MAN2C1: variants seen among roughly 807,000 people sequenced by gnomAD.
The protein encoded by MAN2C1 is alpha-mannosidase 2C1.
In MAN2C1, 111 loss-of-function variants were observed where a neutral mutation model predicts 126.9. The observed-to-expected ratio is 0.87, with a 90% CI of 0.75 to 1.02. The LOEUF (loss-of-function observed/expected upper bound fraction) is 1.02. Ranked by LOEUF, MAN2C1 falls within the 50% of genes least tolerant of loss-of-function variation. MAN2C1 has a pLI of 0.00. For missense variants in MAN2C1, 1,363 were observed against 1,364.4 expected (o/e 1.00, Z 0.02); for synonymous variants, 567 against 561.5 (o/e 1.01, Z -0.14).
At chr15:75,357,851 C>G (rs1395923764) in intron 21 of MAN2C1, 2 of 263,322 alleles carry the variant, frequency 7.6e-6, no homozygotes, top group Non-Finnish European at 1.5e-5. Context: ...GATCTCTTGA[C>G]CTCGTGATCC....
chr15:75,362,866 C>A lies in MAN2C1; in HGVS notation c.791-118G>T. The A allele has an allele frequency of 1.2e-6, 1 of 802,666 alleles. No individual in the cohort carries two copies. The highest frequency in any genetic ancestry group is 2.1e-6 in the Non-Finnish European group (1 of 485,586). 49.7% of individuals were successfully genotyped at this position (802,666 alleles called of 1,614,324 possible). A position where few individuals can be genotyped will look rare whatever the true frequency, so the allele number is the denominator to read the frequency against. ...CCCAGGCCCTTCACCCTGGAAAGCCCTGTGGTGTCCCTCCTAAGTGGTCAC... is the reference window on the plus strand; with the variant it reads ...CCCAGGCCCTTCACCCTGGAAAGCCATGTGGTGTCCCTCCTAAGTGGTCAC... On this transcript the variant is annotated intron_variant, in intron 6 of 25. Coordinates refer to ENST00000267978, the MANE Select transcript of MAN2C1 (RefSeq NM_006715.4). The surrounding 1 kb of genome is among the most constrained non-coding windows in gnomAD (Gnocchi z 4.5).
chr15:75,356,795 CGA>C lies in MAN2C1; in HGVS notation c.2653_2654del (p.Ser885AlafsTer6). On this transcript the variant is annotated frameshift_variant, in exon 22 of 26. Transcript: ENST00000267978. LOFTEE classifies it high-confidence loss of function. The surrounding 1 kb of genome is among the most constrained non-coding windows in gnomAD (Gnocchi z 5.8). Reference protein sequence around the residue: ...ASVRGSILSLSLLRAPKAPDA... With the variant: ...ASVRGSILSLXLLRAPKAPDA... The stretch of plus-strand genomic sequence containing the variant: ...GGCCTGGTGGGTACCCCACTTACAG[CGA>C]GAGGCTGAGGATGCTGCCTCGCACT... 1 of 1,613,998 alleles carries C rather than the reference CGA, an allele frequency of 6.2e-7. No homozygotes were observed. Among genetic ancestry groups the C allele is most frequent in the Non-Finnish European group, 8.5e-7 (1 of 1,180,014 alleles).
At chr15:75,366,133 T>C (rs2072571078) in intron 4 of MAN2C1, 1 of 322,652 alleles carries the variant, frequency 3.1e-6, no homozygotes, top group South Asian at 2.4e-5. Flanking sequence ...TTCATCTCTA[T>C]TCTAGGGAGT....
At position 75,358,550 on chromosome 15, in the gene MAN2C1, C is replaced by A. The variant is rs776712645; in HGVS notation, c.2315G>T (p.Trp772Leu). 1.1e-5 allele frequency: 17 copies of A among 1,613,466 alleles called. No homozygotes were observed. Among genetic ancestry groups the A allele is most frequent in the Non-Finnish European group, 1.4e-5 (17 of 1,180,034 alleles). ...GTEGGLRGSA[W>L]FLLQISPNSR... ...GTTGGGGCTGATCTGTAGCAAGAAC[C>A]AGGCGCTGCCCCGCAGGCCGCCCTC... is the stretch of plus-strand genomic sequence containing the variant. The change falls in exon 20 of 26, where the codon TGG (tryptophan) becomes TTG (leucine). Residue 772 changes from tryptophan to leucine, a missense_variant. By Grantham distance (61) the Trp-to-Leu change is moderately conservative. This residue lies in a region of MAN2C1 where 668 missense variants were observed against 650.1 expected (regional missense o/e 1.03). Transcript: ENST00000267978.
intron 16 of MAN2C1, 33 bp from the exon 17 acceptor site, chr15:75,359,458 T>C: frequency 6.3e-7 from 1 of 1,597,086 alleles, no homozygotes; most frequent in Non-Finnish European, 8.6e-7. Flanking sequence ...AGTGCAGCCT[T>C]CCTGACCTTT....
intron 3 of MAN2C1, 29 bp downstream of exon 3, chr15:75,367,482 A>G (rs1189472103): frequency 1.9e-6 from 3 of 1,611,374 alleles, no homozygotes; most frequent in African/African-American, 2.7e-5. Flanking sequence ...AAATGTGGCC[A>G]TACCTGGCCC....
Position 75,356,845 on chromosome 15 carries a change from T to A in MAN2C1, c.2605A>T (p.Asn869Tyr). 6.2e-7 allele frequency: 1 copy of A among 1,614,136 alleles called. No homozygotes were observed. Among genetic ancestry groups the A allele is most frequent in the Non-Finnish European group, 8.5e-7 (1 of 1,180,040 alleles). ...SEHGFGLALL[N>Y]DCKYGASVRG... ...ACTGACGCGCCATACTTGCAGTCGT[T>A]GAGCAGGGCCAGCCCAAAGCCGTGT... Residue 869 changes from asparagine to tyrosine, a missense_variant, in exon 22 of 26, where the codon AAC becomes TAC. By Grantham distance (143) the Asn-to-Tyr change is moderately radical. This residue lies in a region of MAN2C1 where 668 missense variants were observed against 650.1 expected (regional missense o/e 1.03). Transcript: ENST00000267978. This position sits in a 1 kb window ranked among gnomAD's most constrained non-coding sequence, Gnocchi z 5.8.
rs1019333246 is a variant in MAN2C1 at position 75,368,089 on chromosome 15, C to T, written c.211G>A (p.Asp71Asn). Reference sequence around the variant, plus strand: ...GTTACCTACGTGGGTCCGAAGCTGTCGCCGACCTGCGCGGGGCGGAAGTCC... The same window carrying T: ...GTTACCTACGTGGGTCCGAAGCTGTTGCCGACCTGCGCGGGGCGGAAGTCC... The part of the protein sequence containing the change: ...QRDFRPAQVG[D>N]SFGPTWWTCW... The change falls in exon 2 of 26, where the codon GAC becomes AAC. Residue 71 changes from aspartate (D) to asparagine (N), a missense_variant. Asp to Asn is a conservative substitution (Grantham distance 23). Coordinates refer to ENST00000267978, the MANE Select transcript of MAN2C1 (RefSeq NM_006715.4). 1.2e-6 allele frequency: 2 copies of T among 1,607,268 alleles called. No homozygotes were observed. The highest frequency in any genetic ancestry group is 8.5e-7 in the Non-Finnish European group (1 of 1,177,826).
In MAN2C1 at chr15:75,359,335, A is replaced by G. The variant is rs764903493; in HGVS notation, c.2039T>C (p.Val680Ala). The G allele has an allele frequency of 6.3e-7, 1 of 1,592,304 alleles. No homozygotes were observed. The highest frequency in any genetic ancestry group is 1.1e-5 in the South Asian group (1 of 87,520). ...AGGGCATGCAGGACTCACCTCTTGC[A>G]CTACGAACACAGGCTGCTGGGGCAG... ...PLLPQQPVFVVQETDGSVTLD... is the reference protein window; with the variant it reads ...PLLPQQPVFVAQETDGSVTLD... Residue 680 changes from valine (V) to alanine (A), a missense_variant, in exon 17 of 26, where the codon GTG (valine) becomes GCG (alanine). Val to Ala is a moderately conservative substitution (Grantham distance 64). Coordinates refer to ENST00000267978, the MANE Select transcript of MAN2C1 (RefSeq NM_006715.4).
rs974179473 is a variant in MAN2C1 at position 75,360,460 on chromosome 15, C to T, written c.1584+105G>A. On this transcript the variant is annotated intron_variant, in intron 13 of 25. Coordinates refer to ENST00000267978, the MANE Select transcript of MAN2C1 (RefSeq NM_006715.4). ...TCTTGAACTTCTCTCCTCCAAACTT[C>T]TCTTCCCCTAGATCTGGCCTGGGCT... 8.0e-6 allele frequency: 12 copies of T among 1,494,518 alleles called. No homozygotes were observed. The African/African-American group carries it at 1.7e-4, about 21-fold the overall frequency. The allele number at this position is 1,494,518 out of a possible 1,614,324, so 92.6% of individuals were successfully genotyped here.
chr15:75,356,324 C>T lies in MAN2C1; in HGVS notation c.2863G>A (p.Val955Ile), dbSNP rs547667997. ...GCCTGCTTGACGGTCTCCAATACGA[C>T]CGCGGGTGAAGACACGGAAAACGCA... is the stretch of plus-strand genomic sequence containing the variant. ...WSAFSVSSPA[V>I]VLETVKQAES... is the part of the protein sequence containing the mutation. Residue 955 changes from valine to isoleucine, a missense_variant, in exon 24 of 26, where the codon GTC becomes ATC. Val to Ile is a conservative substitution (Grantham distance 29). Around this residue, in one of 3 missense-constraint regions of MAN2C1, gnomAD observed 668 missense variants for 650.1 expected, o/e 1.03. Transcript: ENST00000267978. This position sits in a 1 kb window ranked among gnomAD's most constrained non-coding sequence, Gnocchi z 5.8. 5.0e-6 allele frequency: 8 copies of T among 1,612,042 alleles called. No individual in the cohort carries two copies. The African/African-American group carries it at 8.0e-5, about 16-fold the overall frequency.
rs752943713 is a variant in MAN2C1 at position 75,361,809 on chromosome 15, G to A, written c.1101+46C>T. 7.5e-6 allele frequency: 12 copies of A among 1,600,036 alleles called. No individual in the cohort carries two copies. Among genetic ancestry groups the A allele is most frequent in the African/African-American group, 6.7e-5 (5 of 74,636 alleles). Reference sequence around the variant, plus strand: ...AGCCCCTCAGCACTCCAAGTCGAGCGCCAGCCCCACTCGCCCACAGCCTGG... The same window carrying A: ...AGCCCCTCAGCACTCCAAGTCGAGCACCAGCCCCACTCGCCCACAGCCTGG... On this transcript the variant is annotated intron_variant, in intron 9 of 25. Coordinates refer to ENST00000267978, the MANE Select transcript of MAN2C1 (RefSeq NM_006715.4). The surrounding 1 kb of genome is among the most constrained non-coding windows in gnomAD (Gnocchi z 5.0).
intron 4 of MAN2C1, 99 bp from the exon 5 acceptor site, chr15:75,364,764 T>C: frequency 1.8e-6 from 2 of 1,081,486 alleles, no homozygotes; most frequent in Non-Finnish European, 2.6e-6. Context: ...GAGCCCAACC[T>C]GTCTGCTTCC....
rs368976237 is a variant in MAN2C1 at position 75,362,833 on chromosome 15, C to G, written c.791-85G>C. On this transcript the variant is annotated intron_variant, in intron 6 of 25. Transcript: ENST00000267978. The surrounding 1 kb of genome is among the most constrained non-coding windows in gnomAD (Gnocchi z 4.5). ...GGACTCCAGAGGGTCACCTAGCCCC[C>G]CTCCCATCCCAGGCCCTTCACCCTG... 7 of 1,123,996 alleles carry G rather than the reference C, an allele frequency of 6.2e-6. No homozygotes were observed. Among genetic ancestry groups the G allele is most frequent in the African/African-American group, 3.1e-5 (2 of 65,410 alleles). The allele number at this position is 1,123,996 out of a possible 1,614,324, so 69.6% of individuals were successfully genotyped here. A position where few individuals can be genotyped will look rare whatever the true frequency, so the allele number is the denominator to read the frequency against.
In MAN2C1 at chr15:75,356,425, A is replaced by G. The variant is rs772928280; in HGVS notation, c.2762T>C (p.Ile921Thr). 5.0e-6 allele frequency: 8 copies of G among 1,606,370 alleles called. No individual in the cohort carries two copies. The East Asian group carries it at 1.8e-4, about 36-fold the overall frequency. Residue 921 changes from isoleucine to threonine, a missense_variant, in exon 24 of 26, where the codon ATC becomes ACC. Coordinates refer to ENST00000267978, the MANE Select transcript of MAN2C1 (RefSeq NM_006715.4). This position sits in a 1 kb window ranked among gnomAD's most constrained non-coding sequence, Gnocchi z 5.8. ...HKGSFQDAGVIQAAYSLNFPL... is the reference protein window; with the variant it reads ...HKGSFQDAGVTQAAYSLNFPL... ...GAAGTTTAGGCTGTAGGCAGCTTGG[A>G]TAACGCCAGCATCCTGGAAAGAGCC...
rs149931862 is a variant in MAN2C1, at chr15:75,359,769, C to T, written c.1799G>A (p.Arg600His). The T allele has an allele frequency of 5.5e-5, 89 of 1,613,686 alleles. No homozygotes were observed. In the African/African-American group the frequency reaches 8.9e-4, roughly 16 times the overall value. Residue 600 changes from arginine (R) to histidine (H), a missense_variant, in exon 16 of 26, where the codon CGT (arginine) becomes CAT (histidine). This residue lies in a region of MAN2C1 where 668 missense variants were observed against 650.1 expected (regional missense o/e 1.03). Transcript: ENST00000267978. ...EEAMCHYEDI[R>H]SHGNTLLSAA... ...GCTGAGCAGTGTATTGCCATGGGAA[C>T]GGATGTCTGAGGAAAGACTGGCTGG...
At chr15:75,364,710 T>A (rs1214081184) in intron 4 of MAN2C1, 45 bp from the exon 5 acceptor site, 1 of 1,509,074 alleles carries the variant, frequency 6.6e-7, no homozygotes, top group South Asian at 1.3e-5. Flanking sequence ...ACTGGCACAG[T>A]ACTCCGGGGA....
At chr15:75,366,757 C>T (rs375448983) in intron 3 of MAN2C1, among the ~76,000 whole-genome samples, 165 bp from the exon 4 acceptor site, 2 of 152,318 alleles carry the variant, frequency 1.3e-5, no homozygotes, top group East Asian at 3.9e-4. Flanking sequence ...CAGTAGATGC[C>T]CCAACTCCCA....
Position 75,368,210 on chromosome 15 carries a change from G to A in MAN2C1, c.102-12C>T, listed in dbSNP as rs1420828676. The A allele has an allele frequency of 3.8e-6, 6 of 1,596,152 alleles. No homozygotes were observed. The highest frequency in any genetic ancestry group is 2.7e-5 in the African/African-American group (2 of 74,636). On this transcript the variant is annotated splice_polypyrimidine_tract_variant and intron_variant, in intron 1 of 25. Coordinates refer to ENST00000267978, the MANE Select transcript of MAN2C1 (RefSeq NM_006715.4). ...TGGCCCCAAAAAGCCTGCGTGGGACGGGCCGGTGGGCACATGCTGGAGGCC... is the reference window on the plus strand; with the variant it reads ...TGGCCCCAAAAAGCCTGCGTGGGACAGGCCGGTGGGCACATGCTGGAGGCC...
Sources: allele counts gnomAD v4.1 joint callset (sites outside exome capture counted in the v4.1 genomes callset), GRCh38; gene constraint gnomAD v4.1.1; regional missense constraint gnomAD v4.1.1; non-coding constraint Gnocchi (gnomAD v3.1); transcripts MANE v1.5; gene names NCBI Gene and HGNC (gene_info 2026-07-23, HGNC 2026-07-21).